PSAP: variants seen among roughly 807,000 people sequenced by gnomAD.
PSAP encodes the protein precursor of saposins.
Under a neutral mutation model 66.0 loss-of-function variants are expected in PSAP, and 25 were observed. The observed-to-expected ratio is 0.38, with a 90% CI of 0.28 to 0.53. The LOEUF (loss-of-function observed/expected upper bound fraction) is 0.53, where lower values mean the gene tolerates loss of function less well. PSAP is among the 20% of genes least tolerant of loss of function. The pLI is 0.83. For missense variants in PSAP, 649 were observed against 668.8 expected, an observed-to-expected ratio of 0.97 and a Z score of 0.33; for synonymous variants, 273 against 258.9, an observed-to-expected ratio of 1.05 and a Z score of -0.52.
chr10:71,832,126 T>A (rs1017197202), intron 2 of PSAP, among the ~76,000 whole-genome samples: 3 of 152,244 alleles, frequency 2.0e-5, no homozygotes, highest in East Asian at 3.9e-4. Context: ...CAGAACACAC[T>A]GTGAGTTACA....
rs969229358 is a variant in PSAP, at chr10:71,851,214, G to A, written c.8C>T (p.Ala3Val). The part of the protein sequence containing the change: MY[A>V]LFLLASLLGA... ...CAGGAGGCTGGCCAGGAGGAAGAGG[G>A]CGTACATAGCGCCGTCTGACTCCGC... is the stretch of plus-strand genomic sequence containing the variant. The change falls in exon 1 of 14, where the codon GCC (alanine) becomes GTC (valine). Residue 3 changes from alanine (A) to valine (V), a missense_variant. Ala to Val is a moderately conservative substitution (Grantham distance 64). Coordinates refer to ENST00000394936, the MANE Select transcript of PSAP (RefSeq NM_002778.4). 2 of 1,551,020 alleles carry A rather than the reference G, an allele frequency of 1.3e-6. No homozygotes were observed. Among genetic ancestry groups the A allele is most frequent in the Non-Finnish European group, 1.7e-6 (2 of 1,146,876 alleles).
At chr10:71,851,061 C>T in intron 1 of PSAP, 121 bp downstream of exon 1, 1 of 1,189,302 alleles carries the variant, frequency 8.4e-7, no homozygotes, top group Non-Finnish European at 1.2e-6. Context: ...CTGCGCAGTG[C>T]GCGCGCCCCC....
Position 71,817,380 on chromosome 10 carries a change from A to G in PSAP, c.*61T>C. ...AACAGATCTGTGCGTTCATTCCCCC[A>G]GACACACAAGTAGAAAAAAACCAAT... is the stretch of plus-strand genomic sequence containing the variant. On this transcript the variant is annotated 3_prime_UTR_variant, in exon 14 of 14. Transcript: ENST00000394936. 2 of 1,541,344 alleles carry G rather than the reference A, an allele frequency of 1.3e-6. No individual in the cohort carries two copies. The highest frequency in any genetic ancestry group is 1.8e-6 in the Non-Finnish European group (2 of 1,113,538).
intron 1 of PSAP, among the ~76,000 whole-genome samples, chr10:71,840,398 G>A (rs10762483): frequency 0.18 from 27,217 of 152,190 alleles, 2,634 homozygotes; most frequent in East Asian, 0.45. Context: ...TCCCCTAAGA[G>A]CAGGAGATAA....
At chr10:71,837,344 C>T (rs563418391) in intron 1 of PSAP, among the ~76,000 whole-genome samples, 1 of 152,154 alleles carries the variant, frequency 6.6e-6, no homozygotes, top group East Asian at 1.9e-4. Context: ...AGCTCCCAGC[C>T]GCCAAGAGGT....
chr10:71,850,324 C>G (rs567206529), intron 1 of PSAP, among the ~76,000 whole-genome samples: 1 of 152,214 alleles, frequency 6.6e-6, no homozygotes, highest in African/African-American at 2.4e-5. Flanking sequence ...TCTCCACAAT[C>G]CTTTATCTTA....
chr10:71,819,184 A>G lies in PSAP; in HGVS notation c.1351-73T>C, dbSNP rs1842240135. On this transcript the variant is annotated intron_variant, in intron 11 of 13. Transcript: ENST00000394936. ...CATAGTGGGGCACAAAAGGCCAGGC[A>G]GGCCCTGGATACACTGTTCCCTGAG... is the stretch of plus-strand genomic sequence containing the variant. 3.7e-6 allele frequency: 5 copies of G among 1,360,158 alleles called. No homozygotes were observed. In the South Asian group the frequency reaches 5.9e-5, roughly 16 times the overall value. The allele number at this position is 1,360,158 out of a possible 1,614,324, so 84.3% of individuals were successfully genotyped here. A position where few individuals can be genotyped will look rare whatever the true frequency, so the allele number is the denominator to read the frequency against.
intron 8 of PSAP, among the ~76,000 whole-genome samples, chr10:71,820,710 G>GA (rs35131935): frequency 0.34 from 52,263 of 152,004 alleles, 9,606 homozygotes; most frequent in East Asian, 0.62. Flanking sequence ...AAAGCAAAGT[G>GA]AGGGGCTCAC....
At chr10:71,834,296 T>C (rs1459825733) in intron 2 of PSAP, 76 bp downstream of exon 2, 7 of 1,604,034 alleles carry the variant, frequency 4.4e-6, no homozygotes, top group Non-Finnish European at 5.9e-6. Flanking sequence ...TCTGTCAATA[T>C]GGCAGTGAGT....
In PSAP at chr10:71,828,881, G is replaced by A. The variant is rs1842452063; in HGVS notation, c.572C>T (p.Pro191Leu). The A allele has an allele frequency of 6.2e-7, 1 of 1,613,998 alleles. No homozygotes were observed. Among genetic ancestry groups the A allele is most frequent in the East Asian group, 2.2e-5 (1 of 44,870 alleles). ...PQDGPRSKPQ[P>L]KDNGDVCQDC... ...GTGGCCAGCCCGTTGTCTTACCTTT[G>A]GCTGGGGCTTGCTGCGGGGGCCGTC... The change falls in exon 5 of 14, where the codon CCA becomes CTA. Residue 191 changes from proline (P) to leucine (L), a missense_variant. Coordinates refer to ENST00000394936, the MANE Select transcript of PSAP (RefSeq NM_002778.4).
chr10:71,839,882 A>C (rs914668234), intron 1 of PSAP, among the ~76,000 whole-genome samples: 6 of 152,154 alleles, frequency 3.9e-5, no homozygotes, highest in African/African-American at 1.4e-4. Flanking sequence ...AGCCATTATT[A>C]TTCTATGTAT....
intron 1 of PSAP, among the ~76,000 whole-genome samples, chr10:71,850,968 C>T (rs1280606163): frequency 6.6e-6 from 1 of 152,236 alleles, no homozygotes; most frequent in Admixed American, 6.5e-5. Flanking sequence ...GGGCCTGGGC[C>T]GTCCTCCCGG....
intron 5 of PSAP, among the ~76,000 whole-genome samples, chr10:71,828,622 G>A (rs559160606): frequency 7.2e-5 from 11 of 152,318 alleles, no homozygotes; most frequent in African/African-American, 2.6e-4. Context: ...TCCAGCTTGG[G>A]TGACAGAACG....
intron 7 of PSAP, among the ~76,000 whole-genome samples, chr10:71,822,983 C>T (rs1008953481): frequency 2.0e-5 from 3 of 148,678 alleles, no homozygotes; most frequent in African/African-American, 5.0e-5. Flanking sequence ...ATAATAAGAA[C>T]GCAGCTGAAG....
At chr10:71,822,080 G>A (rs1842312161) in intron 7 of PSAP, 73 bp from the exon 8 acceptor site, 1 of 1,608,240 alleles carries the variant, frequency 6.2e-7, no homozygotes, top group Non-Finnish European at 8.5e-7. Flanking sequence ...TCCAGCCAGA[G>A]GACAGGGAGC....
chr10:71,836,409 G>A (rs1057461171), intron 1 of PSAP, among the ~76,000 whole-genome samples: 6 of 152,186 alleles, frequency 3.9e-5, no homozygotes, highest in African/African-American at 4.8e-5. Context: ...GGGACTGTGC[G>A]GTCACAGAGA....
rs781415981 is a variant in PSAP, at chr10:71,833,016, C to CAAAAAAAAAAAAAAAAAAAAAAAAAAA, written c.175-1097_175-1096insTTTTTTTTTTTTTTTTTTTTTTTTTTT. ...TAGGCAACAGAGTGAGAGTCCATCT[C>CAAAAAAAAAAAAAAAAAAAAAAAAAAA]AAAAAAAAAAAAAAACAAAAAACAA... On this transcript the variant is annotated intron_variant, in intron 2 of 13. Transcript: ENST00000394936. Among the ~76,000 whole-genome samples the CAAAAAAAAAAAAAAAAAAAAAAAAAAA allele has an allele frequency of 3.9e-5, 2 of 50,708 alleles. 1 individual carries two copies. Among genetic ancestry groups the CAAAAAAAAAAAAAAAAAAAAAAAAAAA allele is most frequent in the Admixed American group, 4.6e-4 (2 of 4,386 alleles). The allele number at this position is 50,708 out of a possible 152,430, so 33.3% of individuals were successfully genotyped here.
intron 1 of PSAP, among the ~76,000 whole-genome samples, chr10:71,847,597 A>C (rs566147235): frequency 2.6e-5 from 4 of 151,672 alleles, no homozygotes; most frequent in African/African-American, 9.7e-5. Flanking sequence ...CTCTCACAAG[A>C]GAGAGCTGCT....
chr10:71,837,909 C>T (rs949930129), intron 1 of PSAP, among the ~76,000 whole-genome samples: 2 of 152,196 alleles, frequency 1.3e-5, no homozygotes, highest in African/African-American at 4.8e-5. Context: ...AGGGAAGTAG[C>T]GGCAGCCAGG....
Sources: gnomAD v4.1 joint callset for allele counts (sites outside exome capture counted in the v4.1 genomes callset) on GRCh38, gnomAD v4.1.1 for gene constraint, MANE v1.5 for transcripts, NCBI Gene and HGNC (gene_info 2026-07-23, HGNC 2026-07-21) for gene names.